The following JARID2 variants were observed in gnomAD, a reference collection of about 807,000 sequenced individuals.
The protein encoded by JARID2 is protein Jumonji.
A neutral mutation model predicts 125.6 loss-of-function variants in JARID2; 21 were observed. That is an observed-to-expected ratio of 0.17 (90% CI 0.12 to 0.24). The LOEUF is 0.24. JARID2 is among the 10% of genes least tolerant of loss of function. The probability of loss-of-function intolerance (pLI) is 1.00; values close to 1 mark genes in which losing one functional copy is unlikely to be tolerated. For synonymous variants in JARID2, 736 were observed against 661.6 expected, an observed-to-expected ratio of 1.11 and a Z score of -1.73; for missense variants, 1,303 against 1,639.6, an observed-to-expected ratio of 0.79 and a Z score of 3.55.
intron 1 of JARID2, among the ~76,000 whole-genome samples, chr6:15,345,035 T>G (rs1166595390): frequency 6.6e-6 from 1 of 152,192 alleles, no homozygotes; most frequent in African/African-American, 2.4e-5. Context: ...TGTAATTTGT[T>G]TTTTTAATGC....
At chr6:15,318,488 G>T (rs879249255) in intron 1 of JARID2, among the ~76,000 whole-genome samples, 1 of 152,162 alleles carries the variant, frequency 6.6e-6, no homozygotes, top group Non-Finnish European at 1.5e-5. Context: ...TTTATGCTTT[G>T]GTGGTGGTGG....
chr6:15,254,127 G>T (rs1171603101), intron 1 of JARID2, among the ~76,000 whole-genome samples: 1 of 152,184 alleles, frequency 6.6e-6, no homozygotes, highest in Admixed American at 6.5e-5. Context: ...GTTTTTTGAA[G>T]AACCAGTTGG....
intron 1 of JARID2, among the ~76,000 whole-genome samples, chr6:15,261,418 A>T (rs1759871987): frequency 6.6e-6 from 1 of 151,230 alleles, no homozygotes; most frequent in Non-Finnish European, 1.5e-5. Flanking sequence ...CCCAGGTTCA[A>T]GCGCTTCTCT....
intron 1 of JARID2, among the ~76,000 whole-genome samples, chr6:15,253,583 G>GCGACTGGCAGCT (rs1381590222): frequency 1.3e-5 from 2 of 151,994 alleles, no homozygotes; most frequent in Non-Finnish European, 2.9e-5. Context: ...TGCGTGAGCA[G>GCGACTGGCAGCT]CGACTGGCAG....
At chr6:15,495,614 A>G (rs1770375624) in intron 6 of JARID2, among the ~76,000 whole-genome samples, 1 of 152,150 alleles carries the variant, frequency 6.6e-6, no homozygotes, top group Admixed American at 6.5e-5. Context: ...TTTTTTAGCC[A>G]TAGATTTCTA....
chr6:15,265,554 T>C (rs1042455874), intron 1 of JARID2, among the ~76,000 whole-genome samples: 3 of 152,144 alleles, frequency 2.0e-5, no homozygotes, highest in African/African-American at 4.8e-5. Flanking sequence ...GATACTGCTT[T>C]GGGACTTGCC....
At chr6:15,371,975 T>A (rs1024334232) in intron 1 of JARID2, among the ~76,000 whole-genome samples, 2 of 152,222 alleles carry the variant, frequency 1.3e-5, no homozygotes, top group African/African-American at 2.4e-5. Context: ...GAAATCCTAG[T>A]TCTCTCAGGA....
At chr6:15,428,316 T>C (rs1347441524) in intron 3 of JARID2, among the ~76,000 whole-genome samples, 1 of 152,136 alleles carries the variant, frequency 6.6e-6, no homozygotes, top group African/African-American at 2.4e-5. Context: ...ATGTGCACAA[T>C]GTGCAGGTTT....
rs574348976 is a variant in JARID2, at chr6:15,300,537, T to G, written c.45+53953T>G. Among the ~76,000 whole-genome samples the G allele has an allele frequency of 1.0e-3, 157 of 152,278 alleles. 1 individual carries two copies. Among genetic ancestry groups the G allele is most frequent in the African/African-American group, 3.6e-3 (148 of 41,560 alleles). On this transcript the variant is annotated intron_variant, in intron 1 of 17. Coordinates refer to ENST00000341776, the MANE Select transcript of JARID2 (RefSeq NM_004973.4). ...ATTCATGAGCTTGCAAGGCCTTCTT[T>G]AACCGCTTGCAGCCAGGAGACTAAT...
intron 1 of JARID2, among the ~76,000 whole-genome samples, chr6:15,358,856 A>G (rs1445896779): frequency 2.0e-5 from 3 of 152,086 alleles, no homozygotes; most frequent in African/African-American, 7.2e-5. Context: ...GATTTGGGAG[A>G]TGGCGGGACT....
chr6:15,304,894 G>T (rs542733081), intron 1 of JARID2, among the ~76,000 whole-genome samples: 1 of 152,274 alleles, frequency 6.6e-6, no homozygotes, highest in African/African-American at 2.4e-5. Context: ...GTGCAGGGAG[G>T]GGTGGAGCAG....
chr6:15,493,144 T>C (rs1770237366), intron 6 of JARID2, among the ~76,000 whole-genome samples: 1 of 151,742 alleles, frequency 6.6e-6, no homozygotes. Flanking sequence ...CCAAAGGCCT[T>C]ACACTCTTAT....
At chr6:15,396,892 C>T (rs1765239557) in intron 2 of JARID2, among the ~76,000 whole-genome samples, 1 of 152,146 alleles carries the variant, frequency 6.6e-6, no homozygotes, top group Non-Finnish European at 1.5e-5. Context: ...GTTTGCATAC[C>T]ATCACCCAGT....
chr6:15,254,910 T>C (rs1759598992), intron 1 of JARID2, among the ~76,000 whole-genome samples: 1 of 151,222 alleles, frequency 6.6e-6, no homozygotes, highest in Non-Finnish European at 1.5e-5. Flanking sequence ...GGCGTGGTGG[T>C]GGGCACCTGT....
chr6:15,366,509 C>CGG (rs1217236890), intron 1 of JARID2, among the ~76,000 whole-genome samples: 11 of 4,870 alleles, frequency 2.3e-3, no homozygotes, highest in African/African-American at 4.4e-3. Flanking sequence ...GGGTGGGGGG[C>CGG]GGGGGGGGCG....
chr6:15,285,366 C>T (rs1039691156), intron 1 of JARID2, among the ~76,000 whole-genome samples: 1 of 152,016 alleles, frequency 6.6e-6, no homozygotes, highest in South Asian at 2.1e-4. Context: ...CTCAGGTGAT[C>T]CGCCTGCCTC....
intron 1 of JARID2, among the ~76,000 whole-genome samples, chr6:15,372,114 T>C (rs1187518741): frequency 2.0e-5 from 3 of 152,208 alleles, no homozygotes; most frequent in Non-Finnish European, 1.5e-5. Context: ...TAAAATGAAG[T>C]TTGTATTTAT....
At chr6:15,498,215 C>G (rs532284172) in intron 7 of JARID2, among the ~76,000 whole-genome samples, 4 of 152,134 alleles carry the variant, frequency 2.6e-5, no homozygotes, top group Non-Finnish European at 4.4e-5. Flanking sequence ...TTGTCAAGGC[C>G]ACAGGTCAAG....
chr6:15,269,946 T>C (rs1283474184), intron 1 of JARID2, among the ~76,000 whole-genome samples: 1 of 152,012 alleles, frequency 6.6e-6, no homozygotes, highest in Non-Finnish European at 1.5e-5. Flanking sequence ...ATTTCTTTCC[T>C]GAGTAATTAT....
Sources: allele counts gnomAD v4.1 joint callset (sites outside exome capture counted in the v4.1 genomes callset), GRCh38; gene constraint gnomAD v4.1.1; transcripts MANE v1.5; gene names NCBI Gene and HGNC (gene_info 2026-07-23, HGNC 2026-07-21).